SFMBT1: variants seen among roughly 807,000 people sequenced by gnomAD.
SFMBT1 encodes scm-like with four MBT domains protein 1.
A neutral mutation model predicts 108.7 loss-of-function variants in SFMBT1; 32 were observed. That is an observed-to-expected ratio of 0.29 (90% CI 0.22 to 0.40). SFMBT1 has a LOEUF of 0.40. Ranked by LOEUF, SFMBT1 falls within the 10% of genes least tolerant of loss-of-function variation. The pLI, the probability that SFMBT1 is intolerant of heterozygous loss-of-function variation, is 1.00. For missense variants in SFMBT1, 816 were observed against 1,059.6 expected (o/e 0.77, Z 3.19); for synonymous variants, 348 against 369.5 (o/e 0.94, Z 0.67).
intron 15 of SFMBT1, 49 bp from the exon 16 acceptor site, chr3:52,912,696 G>A: frequency 7.3e-7 from 1 of 1,366,370 alleles, no homozygotes; most frequent in Non-Finnish European, 1.0e-6. Context: ...GAGAAAAGCA[G>A]ACCATTAGAA....
chr3:52,998,578 T>A (rs1698424992), intron 1 of SFMBT1, among the ~76,000 whole-genome samples: 1 of 150,156 alleles, frequency 6.7e-6, no homozygotes, highest in Non-Finnish European at 1.5e-5. Context: ...CCAGGGTCTC[T>A]GCTGTTTCCT....
intron 1 of SFMBT1, among the ~76,000 whole-genome samples, chr3:53,010,230 C>T (rs959919262): frequency 2.6e-5 from 4 of 152,228 alleles, no homozygotes; most frequent in Non-Finnish European, 5.9e-5. Flanking sequence ...GCAAGTGAAA[C>T]TTCTTTGGGT....
Position 52,910,900 on chromosome 3 carries a change from C to T in SFMBT1, c.1906+103G>A, listed in dbSNP as rs151255852. 288 of 940,786 alleles carry T rather than the reference C, an allele frequency of 3.1e-4. 2 individuals are homozygous for T. Among genetic ancestry groups the T allele is most frequent in the South Asian group, 1.5e-3 (99 of 67,052 alleles). 58.3% of individuals were successfully genotyped at this position (940,786 alleles called of 1,614,324 possible). ...CATCTGGCCCTTTACAGAAGAAGTT[C>T]GTGTGCCTCTGCTATATATGAATGT... On this transcript the variant is annotated intron_variant, in intron 17 of 20. Transcript: ENST00000394752.
At chr3:52,935,808 T>C (rs1161757094) in intron 4 of SFMBT1, among the ~76,000 whole-genome samples, 1 of 151,970 alleles carries the variant, frequency 6.6e-6, no homozygotes, top group Non-Finnish European at 1.5e-5. Context: ...CTTGATTTCT[T>C]TTCATCAGTA....
intron 2 of SFMBT1, among the ~76,000 whole-genome samples, chr3:52,961,442 C>T (rs1703957880): frequency 6.6e-6 from 1 of 151,976 alleles, no homozygotes; most frequent in South Asian, 2.1e-4. Context: ...ATCCCAGCTA[C>T]TCAGGGGGCT....
intron 1 of SFMBT1, among the ~76,000 whole-genome samples, chr3:53,012,915 A>G (rs571867807): frequency 9.2e-5 from 14 of 151,856 alleles, no homozygotes; most frequent in African/African-American, 3.4e-4. Context: ...TGATTGGAGC[A>G]TATTTCACCT....
intron 3 of SFMBT1, among the ~76,000 whole-genome samples, chr3:52,946,900 T>C (rs1404314929): frequency 6.6e-6 from 1 of 151,464 alleles, no homozygotes; most frequent in African/African-American, 2.4e-5. Context: ...GCCTCCCAAG[T>C]AGCTGGGACC....
Position 53,017,974 on chromosome 3 carries a change from T to C in SFMBT1, c.-131+27842A>G, listed in dbSNP as rs529947531. On this transcript the variant is annotated intron_variant, in intron 1 of 20. Transcript: ENST00000394752. ...TAGGCTGGGCACGGTGGCTCACGCC[T>C]GTAATCCCAGCACTTTGAGAAGCCG... 2.4e-4 allele frequency: 36 copies of C among 152,470 alleles called. No homozygotes were observed. In the South Asian group the frequency reaches 5.0e-3, roughly 21 times the overall value. 9.4% of individuals were successfully genotyped at this position (152,470 alleles called of 1,614,324 possible). A position where few individuals can be genotyped will look rare whatever the true frequency, so the allele number is the denominator to read the frequency against.
Position 52,928,205 on chromosome 3 carries a change from A to T in SFMBT1, c.1034T>A (p.Ile345Asn). The change falls in exon 9 of 21, where the codon ATC (isoleucine) becomes AAC (asparagine). Residue 345 changes from isoleucine (I) to asparagine (N), a missense_variant. Ile to Asn is a moderately radical substitution (Grantham distance 149). Around this residue, in one of 5 missense-constraint regions of SFMBT1, gnomAD observed 495 missense variants for 607.4 expected, o/e 0.81. Coordinates refer to ENST00000394752, the MANE Select transcript of SFMBT1 (RefSeq NM_016329.4). ...VQWSLKNGLH[I>N]SPPPGYPSQD... ...CGAATGTGCACCTGGAGGGGGGCTG[A>T]TGTGTAGGCCATTCTTCAGACTCCA... is the stretch of plus-strand genomic sequence containing the variant. The T allele has an allele frequency of 6.2e-7, 1 of 1,612,534 alleles. No homozygotes were observed. Among genetic ancestry groups the T allele is most frequent in the South Asian group, 1.1e-5 (1 of 90,774 alleles).
chr3:52,967,984 T>C (rs1257993790), intron 2 of SFMBT1, among the ~76,000 whole-genome samples: 2 of 152,188 alleles, frequency 1.3e-5, no homozygotes, highest in Non-Finnish European at 2.9e-5. Context: ...TAAAGTATTA[T>C]ATACACAATT....
chr3:53,004,990 A>AT (rs924654018), intron 1 of SFMBT1, among the ~76,000 whole-genome samples: 1 of 152,096 alleles, frequency 6.6e-6, no homozygotes, highest in Non-Finnish European at 1.5e-5. Flanking sequence ...AAGTTTAATA[A>AT]TTTTTTTTCT....
intron 10 of SFMBT1, among the ~76,000 whole-genome samples, chr3:52,924,623 CAA>C (rs1349099401): frequency 1.3e-5 from 2 of 150,832 alleles, no homozygotes; most frequent in African/African-American, 4.9e-5. Context: ...GCCTGGGCGA[CAA>C]GAGCAAGATT....
intron 2 of SFMBT1, among the ~76,000 whole-genome samples, chr3:52,958,977 G>T (rs893269747): frequency 2.6e-4 from 39 of 152,230 alleles, no homozygotes; most frequent in African/African-American, 9.1e-4. Context: ...TCCTTTGCAG[G>T]GACATGGATG....
chr3:52,929,675 A>G (rs940136036), intron 8 of SFMBT1, among the ~76,000 whole-genome samples: 9 of 152,184 alleles, frequency 5.9e-5, no homozygotes, highest in African/African-American at 2.2e-4. Context: ...GACAGGGAAA[A>G]CTTAAATCTC....
chr3:52,969,283 A>C (rs1352020934), intron 1 of SFMBT1, 25 bp from the exon 2 acceptor site: 17 of 1,483,620 alleles, frequency 1.1e-5, no homozygotes, highest in Non-Finnish European at 2.7e-6. Flanking sequence ...AGAACACATT[A>C]AACAGCCTGA....
chr3:52,974,864 G>A (rs947657072), intron 1 of SFMBT1, among the ~76,000 whole-genome samples: 5 of 144,292 alleles, frequency 3.5e-5, no homozygotes, highest in Non-Finnish European at 6.0e-5. Context: ...AAAATTAGCT[G>A]AGTGTGGTGG....
chr3:52,969,327 G>A (rs1704262447), intron 1 of SFMBT1, 69 bp from the exon 2 acceptor site: 2 of 1,396,696 alleles, frequency 1.4e-6, no homozygotes, highest in South Asian at 3.1e-5. Flanking sequence ...ATCAAACAGG[G>A]CACTCGACTG....
intron 4 of SFMBT1, among the ~76,000 whole-genome samples, chr3:52,936,703 G>T (rs1703017903): frequency 6.6e-6 from 1 of 152,090 alleles, no homozygotes. Flanking sequence ...AGAGACCTGG[G>T]CATGCTCATT....
chr3:52,925,352 G>A (rs1342447870), intron 10 of SFMBT1, among the ~76,000 whole-genome samples: 1 of 152,194 alleles, frequency 6.6e-6, no homozygotes, highest in Non-Finnish European at 1.5e-5. Context: ...GTAAGACAGA[G>A]AGGAAAGGTA....
Sources: allele counts gnomAD v4.1 joint callset (sites outside exome capture counted in the v4.1 genomes callset), GRCh38; gene constraint gnomAD v4.1.1; regional missense constraint gnomAD v4.1.1; transcripts MANE v1.5; gene names NCBI Gene and HGNC (gene_info 2026-07-23, HGNC 2026-07-21).